The following TFR2 variants were observed in gnomAD, a reference collection of about 807,000 sequenced individuals.
The protein encoded by TFR2 is transferrin receptor protein 2.
TFR2 carries 64 observed loss-of-function variants against 91.9 expected under a neutral mutation model. The observed-to-expected ratio is 0.70, with a 90% CI of 0.57 to 0.86. TFR2 has a LOEUF of 0.86. Ranked by LOEUF, TFR2 falls within the 40% of genes least tolerant of loss-of-function variation. The pLI is 0.00. For missense variants in TFR2, 950 were observed against 1,080.5 expected, an observed-to-expected ratio of 0.88 and a Z score of 1.69; for synonymous variants, 454 against 459.6, an observed-to-expected ratio of 0.99 and a Z score of 0.15.
chr7:100,629,821 C>A (rs1054520298), intron 9 of TFR2, among the ~76,000 whole-genome samples: 1 of 152,194 alleles, frequency 6.6e-6, no homozygotes, highest in African/African-American at 2.4e-5. Flanking sequence ...TCTTGGCTCA[C>A]GGCAAGCTCC....
intron 8 of TFR2, 35 bp from the exon 9 acceptor site, chr7:100,631,087 A>G (rs768087728): frequency 1.3e-6 from 2 of 1,507,540 alleles, no homozygotes; most frequent in Admixed American, 4.9e-5. Flanking sequence ...GGGAAGTTGT[A>G]GAGAGACCCA....
chr7:100,634,134 C>CTCAAG (rs1803527719), intron 3 of TFR2, among the ~76,000 whole-genome samples: 1 of 150,292 alleles, frequency 6.7e-6, no homozygotes, highest in African/African-American at 2.4e-5. Flanking sequence ...TTCTTCCCGG[C>CTCAAG]TCAAGCCAAA....
In TFR2 at chr7:100,638,334, G is replaced by A. The variant is rs1803618359; in HGVS notation, c.473+2352C>T. Among the ~76,000 whole-genome samples, 4 of 151,986 alleles carry A rather than the reference G, an allele frequency of 2.6e-5. No individual in the cohort carries two copies. In the South Asian group the frequency reaches 8.3e-4, roughly 32 times the overall value. On this transcript the variant is annotated intron_variant, in intron 3 of 17. Coordinates refer to ENST00000223051, the MANE Select transcript of TFR2 (RefSeq NM_003227.4). ...TTAATTTAAAAGCCCTGAGCAGGCTGGGTGCGGTACCTCATTCCTATAATC... is the reference window on the plus strand; with the variant it reads ...TTAATTTAAAAGCCCTGAGCAGGCTAGGTGCGGTACCTCATTCCTATAATC...
At position 100,632,186 on chromosome 7, in the gene TFR2, G is replaced by A. The variant is rs1398396879; in HGVS notation, c.862C>T (p.Gln288Ter). 1.6e-5 allele frequency: 26 copies of A among 1,614,082 alleles called. No homozygotes were observed. Among genetic ancestry groups the A allele is most frequent in the Non-Finnish European group, 2.1e-5 (25 of 1,180,012 alleles). ...AGCACTCCTTGAGCCCCGAAGTCCTGAGCATTGGTCACCTGGGGAGGAAGG... is the reference window on the plus strand; with the variant it reads ...AGCACTCCTTGAGCCCCGAAGTCCTAAGCATTGGTCACCTGGGGAGGAAGG... Reference protein sequence around the residue: ...ISFAQKVTNAQDFGAQGVLIY... With the variant: ...ISFAQKVTNA The change falls in exon 7 of 18, where the codon CAG becomes TAG. Residue 288 changes from glutamine to a stop codon, truncating the protein, a stop_gained. Transcript: ENST00000223051. LOFTEE classifies it high-confidence loss of function.
At chr7:100,640,522 C>T (rs968277423) in intron 3 of TFR2, 164 bp downstream of exon 3, 7 of 757,234 alleles carry the variant, frequency 9.2e-6, no homozygotes, top group African/African-American at 3.5e-5. Flanking sequence ...CGAATGCCTG[C>T]CATCCTTCCC....
Position 100,621,038 on chromosome 7 carries a change from C to T in TFR2, c.2225G>A (p.Gly742Asp), listed in dbSNP as rs371659878. 2.5e-6 allele frequency: 4 copies of T among 1,587,306 alleles called. No homozygotes were observed. Among genetic ancestry groups the T allele is most frequent in the South Asian group, 1.1e-5 (1 of 87,998 alleles). ...IFMGRGDHTLGALLDHLRLLR... is the reference protein window; with the variant it reads ...IFMGRGDHTLDALLDHLRLLR... ...CAGCCGCAGGTGGTCCAGCAGGGCG[C>T]CCAGCGTGTGGTCTCCACGGCCCAT... The change falls in exon 18 of 18, where the codon GGC becomes GAC. Residue 742 changes from glycine (G) to aspartate (D), a missense_variant. Physicochemically the swap from Gly to Asp is moderately conservative, Grantham distance 94. Coordinates refer to ENST00000223051, the MANE Select transcript of TFR2 (RefSeq NM_003227.4).
chr7:100,628,174 A>G (rs774262230), intron 11 of TFR2, 38 bp from the exon 12 acceptor site: 1 of 1,035,408 alleles, frequency 9.7e-7, no homozygotes, highest in Non-Finnish European at 1.4e-6. Flanking sequence ...GGAACCCCCC[A>G]CCCCCACCTC....
rs1400059229 is a variant in TFR2, at chr7:100,631,789, C to T, written c.1106+17G>A. The T allele has an allele frequency of 3.1e-6, 5 of 1,609,434 alleles. No homozygotes were observed. The highest frequency in any genetic ancestry group is 4.2e-6 in the Non-Finnish European group (5 of 1,177,330). On this transcript the variant is annotated intron_variant, in intron 8 of 17. Coordinates refer to ENST00000223051, the MANE Select transcript of TFR2 (RefSeq NM_003227.4). ...CTCTCTGCTTCCTCCTCTTCTGGTC[C>T]CCAACACTCCCCTCACCTCAGCAGG...
In TFR2 at chr7:100,629,240, G is replaced by A; in HGVS notation, c.1390+13C>T. On this transcript the variant is annotated intron_variant, in intron 10 of 17. Coordinates refer to ENST00000223051, the MANE Select transcript of TFR2 (RefSeq NM_003227.4). ...CTGCCTAGCCCAGGCCCAGGCCCTG[G>A]CCCTGACCTTACCGTTGCTCACCAT... 6.2e-7 allele frequency: 1 copy of A among 1,613,380 alleles called. No individual in the cohort carries two copies. The highest frequency in any genetic ancestry group is 8.5e-7 in the Non-Finnish European group (1 of 1,179,540).
intron 8 of TFR2, 69 bp from the exon 9 acceptor site, chr7:100,631,121 C>G: frequency 7.0e-7 from 1 of 1,424,294 alleles, no homozygotes; most frequent in Non-Finnish European, 9.2e-7. Context: ...CACTCTTTTC[C>G]TTATTTCTTT....
intron 1 of TFR2, 32 bp from the exon 2 acceptor site, chr7:100,641,260 C>G (rs936683668): frequency 6.6e-7 from 1 of 1,526,228 alleles, no homozygotes; most frequent in Non-Finnish European, 8.8e-7. Flanking sequence ...GAGATTGGGG[C>G]AAGAGGCCTG....
chr7:100,635,741 G>C (rs925654505), intron 3 of TFR2, among the ~76,000 whole-genome samples: 2 of 152,022 alleles, frequency 1.3e-5, no homozygotes, highest in African/African-American at 4.8e-5. Flanking sequence ...TGGGATTACA[G>C]GTGTGAGCCA....
intron 3 of TFR2, among the ~76,000 whole-genome samples, chr7:100,634,440 A>G (rs560696027): frequency 6.6e-6 from 1 of 152,046 alleles, no homozygotes; most frequent in Non-Finnish European, 1.5e-5. Flanking sequence ...TTTTTTGTAG[A>G]CGAGAAGTCT....
rs755575761 is a variant in TFR2, at chr7:100,633,223, G to A, written c.726+6C>T. Reference sequence around the variant, plus strand: ...CCCATCCTAGGAGCGGGCAGGGGGTGCTCACCGTGACGTTGCCGATGGCGC... The same window carrying A: ...CCCATCCTAGGAGCGGGCAGGGGGTACTCACCGTGACGTTGCCGATGGCGC... On this transcript the variant is annotated splice_donor_region_variant and intron_variant, in intron 5 of 17. Coordinates refer to ENST00000223051, the MANE Select transcript of TFR2 (RefSeq NM_003227.4). 6.2e-7 allele frequency: 1 copy of A among 1,613,540 alleles called. No individual in the cohort carries two copies. The highest frequency in any genetic ancestry group is 8.5e-7 in the Non-Finnish European group (1 of 1,179,828).
Position 100,629,211 on chromosome 7 carries a change from A to AC in TFR2, c.1390+41dup, listed in dbSNP as rs770380557. 25 of 1,611,464 alleles carry AC rather than the reference A, an allele frequency of 1.6e-5. No homozygotes were observed. The South Asian group carries it at 2.7e-4, about 18-fold the overall frequency. ...CCTATCCTCCTCGGGCCACAGGCCCACCGCTGCCTAGCCCAGGCCCAGGCC... is the reference window on the plus strand; with the variant it reads ...CCTATCCTCCTCGGGCCACAGGCCCACCCGCTGCCTAGCCCAGGCCCAGGCC... On this transcript the variant is annotated intron_variant, in intron 10 of 17. Transcript: ENST00000223051.
chr7:100,626,563 C>A, intron 17 of TFR2, 200 bp downstream of exon 17: 3 of 1,413,502 alleles, frequency 2.1e-6, no homozygotes, highest in South Asian at 1.5e-5. Context: ...CTGTCCATTT[C>A]ATCACTTTGA....
rs373936655 is a variant in TFR2 at position 100,627,964 on chromosome 7, C to T, written c.1548G>A (p.Lys516=). The T allele has an allele frequency of 3.6e-5, 58 of 1,613,924 alleles. No homozygotes were observed. Among genetic ancestry groups the T allele is most frequent in the African/African-American group, 2.5e-4 (19 of 74,890 alleles). The part of the protein sequence containing the change: ...SLDNAVLGDD[K]FHAKTSPLLT... ...GAAGGGGGCTGGTCTTGGCATGAAA[C>T]TTGTCATCCCCTGGAAAAAGGGGAG... is the stretch of plus-strand genomic sequence containing the variant. Residue 516 remains lysine (K), a synonymous_variant, in exon 13 of 18, where the codon AAG becomes AAA. Coordinates refer to ENST00000223051, the MANE Select transcript of TFR2 (RefSeq NM_003227.4).
intron 3 of TFR2, among the ~76,000 whole-genome samples, chr7:100,639,241 C>T (rs1303799881): frequency 6.6e-6 from 1 of 152,134 alleles, no homozygotes; most frequent in East Asian, 1.9e-4. Context: ...ATGGCACACA[C>T]CTGTAATCCC....
rs1026266505 is a variant in TFR2 at position 100,632,862 on chromosome 7, T to G, written c.849+139A>C. The G allele has an allele frequency of 1.0e-4, 144 of 1,446,722 alleles. No homozygotes were observed. The Admixed American group carries it at 1.6e-3, about 16-fold the overall frequency. The allele number at this position is 1,446,722 out of a possible 1,614,324, so 89.6% of individuals were successfully genotyped here. Reference sequence around the variant, plus strand: ...CTGGGATTGCAGGTGAGAACCATCGTGCCCAGCTTATATTTTCTTACCATC... The same window carrying G: ...CTGGGATTGCAGGTGAGAACCATCGGGCCCAGCTTATATTTTCTTACCATC... On this transcript the variant is annotated intron_variant, in intron 6 of 17. Transcript: ENST00000223051.
Sources: allele counts gnomAD v4.1 joint callset (sites outside exome capture counted in the v4.1 genomes callset), GRCh38; gene constraint gnomAD v4.1.1; transcripts MANE v1.5; gene names NCBI Gene and HGNC (gene_info 2026-07-23, HGNC 2026-07-21).